Variants in HSD17B12 observed in about 807,000 individuals in gnomAD.
HSD17B12 encodes hydroxysteroid 17-beta dehydrogenase 12, also known as very-long-chain 3-oxoacyl-CoA reductase.
HSD17B12 carries 32 observed loss-of-function variants against 39.3 expected under a neutral mutation model. That is an observed-to-expected ratio of 0.81 (90% CI 0.61 to 1.09). HSD17B12 has a LOEUF of 1.09. Ranked by LOEUF, HSD17B12 falls within the 50% of genes least tolerant of loss-of-function variation. HSD17B12 has a pLI of 0.00. For missense variants in HSD17B12, 342 were observed against 382.9 expected, an observed-to-expected ratio of 0.89 and a Z score of 0.89; for synonymous variants, 150 against 146.7, an observed-to-expected ratio of 1.02 and a Z score of -0.16.
At chr11:43,765,290 T>C (rs115019626) in intron 3 of HSD17B12, among the ~76,000 whole-genome samples, 114 of 152,234 alleles carry the variant, frequency 7.5e-4, no homozygotes, top group African/African-American at 2.7e-3. Flanking sequence ...TCTCTGGGTA[T>C]AAAATTATAG....
At chr11:43,605,890 A>G in the HSD17B12 span, among the ~76,000 whole-genome samples, 1 of 152,234 alleles carries the variant, frequency 6.6e-6, no homozygotes, top group Non-Finnish European at 1.5e-5. Flanking sequence ...GTGTTTGAAA[A>G]TACAGCAAAG....
chr11:43,618,287 C>T, the HSD17B12 span, among the ~76,000 whole-genome samples: 3 of 152,142 alleles, frequency 2.0e-5, no homozygotes, highest in African/African-American at 7.2e-5. Context: ...ATGAAAGATA[C>T]GTGTCTTCTT....
chr11:43,853,812 A>C (rs1951556702), intron 9 of HSD17B12: 1 of 131,210 alleles, frequency 7.6e-6, no homozygotes, highest in Non-Finnish European at 1.6e-5. Flanking sequence ...AAAAAGAAAA[A>C]AAGAAGTATC....
At chr11:43,634,106 A>AAAAAAAAAAAAAAAC in the HSD17B12 span, among the ~76,000 whole-genome samples, 1 of 136,720 alleles carries the variant, frequency 7.3e-6, no homozygotes, top group Non-Finnish European at 1.6e-5. Flanking sequence ...AAAAAAAAAA[A>AAAAAAAAAAAAAAAC]AAAGAAAGAC....
chr11:43,754,780 T>G (rs909816383), intron 3 of HSD17B12: 2 of 653,122 alleles, frequency 3.1e-6, no homozygotes, highest in Admixed American at 5.0e-5. Flanking sequence ...TTTATCTCAG[T>G]GTTTCTAAAT....
At chr11:43,623,815 G>A in the HSD17B12 span, among the ~76,000 whole-genome samples, 6 of 151,816 alleles carry the variant, frequency 4.0e-5, no homozygotes, top group African/African-American at 1.5e-4. Context: ...GCATAGTTCC[G>A]GATCACCACT....
intron 9 of HSD17B12, among the ~76,000 whole-genome samples, chr11:43,849,107 C>T (rs1376214180): frequency 1.3e-5 from 2 of 152,042 alleles, no homozygotes; most frequent in Non-Finnish European, 2.9e-5. Flanking sequence ...AGTTCAAGAC[C>T]AGTCTGGGCA....
chr11:43,585,106 C>T, the HSD17B12 span, among the ~76,000 whole-genome samples: 1 of 152,216 alleles, frequency 6.6e-6, no homozygotes, highest in Non-Finnish European at 1.5e-5. Flanking sequence ...TCTCTGAGGA[C>T]ACCAAACGTT....
At chr11:43,703,491 G>T (rs1949986564) in intron 1 of HSD17B12, among the ~76,000 whole-genome samples, 1 of 152,220 alleles carries the variant, frequency 6.6e-6, no homozygotes, top group Non-Finnish European at 1.5e-5. Context: ...ACCGCGCCCG[G>T]CCAAACTTCT....
upstream of HSD17B12, among the ~76,000 whole-genome samples, chr11:43,676,949 A>C (rs7928182): frequency 0.37 from 56,946 of 152,002 alleles, 12,200 homozygotes; most frequent in East Asian, 0.73. Context: ...ATTTGGGGAT[A>C]TAGCTATACT....
intron 3 of HSD17B12, among the ~76,000 whole-genome samples, chr11:43,793,368 T>C (rs1950886738): frequency 6.6e-6 from 1 of 152,196 alleles, no homozygotes. Flanking sequence ...AGTCAACATA[T>C]ATATTTTGGT....
chr11:43,660,320 A>G, the HSD17B12 span, among the ~76,000 whole-genome samples: 8 of 152,324 alleles, frequency 5.3e-5, no homozygotes, highest in African/African-American at 1.9e-4. Flanking sequence ...TTCTTTGATC[A>G]GCCCCCAAGT....
chr11:43,723,839 C>A (rs1164473071), intron 1 of HSD17B12, among the ~76,000 whole-genome samples: 1 of 152,204 alleles, frequency 6.6e-6, no homozygotes, highest in Non-Finnish European at 1.5e-5. Context: ...TCATCAGTGT[C>A]TTGCTGACAG....
intron 3 of HSD17B12, among the ~76,000 whole-genome samples, 155 bp from the exon 4 acceptor site, chr11:43,798,165 G>T (rs1950931097): frequency 6.6e-6 from 1 of 152,112 alleles, no homozygotes; most frequent in Admixed American, 6.6e-5. Flanking sequence ...CTCTTAGATG[G>T]TCTCATGATT....
chr11:43,583,046 CTG>C, the HSD17B12 span, among the ~76,000 whole-genome samples: 2 of 152,200 alleles, frequency 1.3e-5, no homozygotes, highest in East Asian at 3.9e-4. Context: ...TAGCTTCACC[CTG>C]TGTCCCTTCA....
At chr11:43,571,742 C>T in the HSD17B12 span, among the ~76,000 whole-genome samples, 1 of 152,214 alleles carries the variant, frequency 6.6e-6, no homozygotes, top group Non-Finnish European at 1.5e-5. Context: ...ATTACAGTCA[C>T]TTTCCTCCAG....
intron 1 of HSD17B12, among the ~76,000 whole-genome samples, chr11:43,709,290 TA>T (rs755147170): frequency 6.6e-6 from 1 of 152,206 alleles, no homozygotes; most frequent in Non-Finnish European, 1.5e-5. Flanking sequence ...CACACCTGGC[TA>T]AGTTTTGTAA....
chr11:43,816,452 A>C, intron 6 of HSD17B12, 61 bp downstream of exon 6: 1 of 1,402,794 alleles, frequency 7.1e-7, no homozygotes, highest in South Asian at 1.4e-5. Flanking sequence ...AAAAACACTG[A>C]CATAATCAGC....
intron 4 of HSD17B12, among the ~76,000 whole-genome samples, chr11:43,801,203 A>G (rs1008027296): frequency 6.6e-6 from 1 of 152,138 alleles, no homozygotes; most frequent in Non-Finnish European, 1.5e-5. Flanking sequence ...TAGGAAATAT[A>G]ACATGAAACA....
Sources: allele counts gnomAD v4.1 joint callset (sites outside exome capture counted in the v4.1 genomes callset), GRCh38; gene constraint gnomAD v4.1.1; transcripts MANE v1.5; gene names NCBI Gene and HGNC (gene_info 2026-07-23, HGNC 2026-07-21).